SNX24: variants seen among roughly 807,000 people sequenced by gnomAD.
The protein encoded by SNX24 is sorting nexin-24.
A neutral mutation model predicts 28.7 loss-of-function variants in SNX24; 22 were observed. The observed-to-expected ratio is 0.77, with a 90% CI of 0.55 to 1.10. SNX24 has a LOEUF of 1.10. Among genes scored for constraint, SNX24 ranks in the 50% least tolerant of loss-of-function variants. The pLI, the probability that SNX24 is intolerant of heterozygous loss-of-function variation, is 0.00. For missense variants in SNX24, 221 were observed against 201.1 expected, an observed-to-expected ratio of 1.10 and a Z score of -0.60; for synonymous variants, 69 against 71.5, an observed-to-expected ratio of 0.96 and a Z score of 0.18.
At chr5:122,869,171 A>G (rs35543018) in intron 1 of SNX24, among the ~76,000 whole-genome samples, 4,687 of 152,306 alleles carry the variant, frequency 0.031, 80 homozygotes, top group Non-Finnish European at 0.038. Context: ...GTCAGTAGAA[A>G]TTGATGACTG....
chr5:123,007,648 C>CTTTTTTTTTT, intron 6 of SNX24, 34 bp from the exon 7 acceptor site: 6 of 1,388,984 alleles, frequency 4.3e-6, no homozygotes, highest in East Asian at 5.1e-5. Flanking sequence ...AGCAGTTTTT[C>CTTTTTTTTTT]TTTTTTTTTT....
At chr5:123,021,328 T>C (rs183783961) in intron 5 of SNX24, among the ~76,000 whole-genome samples, 1 of 152,258 alleles carries the variant, frequency 6.6e-6, no homozygotes, top group Admixed American at 6.5e-5. Flanking sequence ...ATTTATCAAG[T>C]GAGTTAATGA....
intron 1 of SNX24, among the ~76,000 whole-genome samples, chr5:122,861,068 A>G (rs956557773): frequency 3.3e-5 from 5 of 151,766 alleles, no homozygotes; most frequent in Non-Finnish European, 7.4e-5. Flanking sequence ...GGCTGGGTGC[A>G]GTGGCTGACG....
chr5:122,964,497 C>T (rs545895218), intron 3 of SNX24, among the ~76,000 whole-genome samples: 10 of 151,976 alleles, frequency 6.6e-5, no homozygotes, highest in African/African-American at 9.6e-5. Context: ...GTCTTTTTCT[C>T]GTGCATGTTT....
intron 5 of SNX24, chr5:123,025,723 C>T: frequency 6.6e-7 from 1 of 1,506,926 alleles, no homozygotes; most frequent in Non-Finnish European, 9.1e-7. Flanking sequence ...TAAAATAAAT[C>T]ACTGAAAGTA....
chr5:122,979,967 C>G (rs1190263643), intron 3 of SNX24, among the ~76,000 whole-genome samples: 1 of 152,210 alleles, frequency 6.6e-6, no homozygotes. Context: ...TTCCTTGAAG[C>G]TGTGTCCAAC....
chr5:123,028,474 G>C (rs1561750156), intron 5 of SNX24: 3 of 266,058 alleles, frequency 1.1e-5, no homozygotes, highest in East Asian at 7.0e-5. Flanking sequence ...TCCTATGAAA[G>C]ATATTTTTCT....
chr5:123,003,213 G>C (rs1424880191), intron 6 of SNX24, among the ~76,000 whole-genome samples: 2 of 152,260 alleles, frequency 1.3e-5, no homozygotes, highest in Non-Finnish European at 2.9e-5. Flanking sequence ...ACGCAGCCCT[G>C]CTCCTCCCTA....
chr5:122,972,916 C>G (rs1761014691), intron 3 of SNX24, among the ~76,000 whole-genome samples: 1 of 152,178 alleles, frequency 6.6e-6, no homozygotes, highest in Admixed American at 6.5e-5. Flanking sequence ...CTAGGTCGGC[C>G]TTGCTGAGTG....
chr5:123,027,385 T>A lies in SNX24; in HGVS notation n.384-1853T>A, dbSNP rs369960870. Reference sequence around the variant, plus strand: ...CAAGATGCACACTGGGCAGGGAAGGTAGTGAGAAAAAAAAGGTAGCAGAAA... The same window carrying A: ...CAAGATGCACACTGGGCAGGGAAGGAAGTGAGAAAAAAAAGGTAGCAGAAA... On this transcript the variant is annotated intron_variant and non_coding_transcript_variant, in intron 5 of 5. Coordinates refer to the SNX24 transcript ENST00000502387. Among the ~76,000 whole-genome samples the A allele has an allele frequency of 4.8e-4, 73 of 151,388 alleles. 1 individual carries two copies. In the East Asian group the frequency reaches 0.013, roughly 28 times the overall value.
intron 1 of SNX24, among the ~76,000 whole-genome samples, chr5:122,914,277 G>A (rs1157491937): frequency 6.6e-6 from 1 of 152,224 alleles, no homozygotes. Context: ...GCTTTTTGAT[G>A]TGTTGCTGGA....
intron 3 of SNX24, among the ~76,000 whole-genome samples, chr5:122,963,060 C>T (rs1760552628): frequency 6.6e-6 from 1 of 152,088 alleles, no homozygotes; most frequent in African/African-American, 2.4e-5. Flanking sequence ...ATAGTGAAAC[C>T]TCGTCTCTGC....
intron 5 of SNX24, chr5:123,026,014 C>T (rs370319595): frequency 3.3e-6 from 5 of 1,513,844 alleles, no homozygotes; most frequent in African/African-American, 1.4e-5. Context: ...TTCCAAAAGT[C>T]AGCTCTTCAA....
At chr5:123,025,250 C>G (rs1443079986) in intron 5 of SNX24, among the ~76,000 whole-genome samples, 1 of 152,150 alleles carries the variant, frequency 6.6e-6, no homozygotes, top group South Asian at 2.1e-4. Context: ...AACCAATAGC[C>G]AGAATTTTTC....
chr5:122,960,829 A>G (rs946864454), intron 3 of SNX24, among the ~76,000 whole-genome samples: 18 of 152,166 alleles, frequency 1.2e-4, no homozygotes, highest in Non-Finnish European at 1.0e-4. Flanking sequence ...CTACATTTCA[A>G]AAGACTCAAA....
At chr5:122,884,276 C>T (rs1302654321) in intron 1 of SNX24, among the ~76,000 whole-genome samples, 29 of 95,616 alleles carry the variant, frequency 3.0e-4, no homozygotes, top group Non-Finnish European at 4.9e-4. Flanking sequence ...TTTTTTCAGA[C>T]AGAGTCTCGC....
chr5:123,016,365 A>G (rs1390967232), intron 5 of SNX24, among the ~76,000 whole-genome samples: 4 of 152,148 alleles, frequency 2.6e-5, no homozygotes, highest in Admixed American at 2.6e-4. Context: ...CAGGGACATC[A>G]GCAAGTTACA....
At chr5:122,912,739 T>G (rs1421110121) in intron 1 of SNX24, among the ~76,000 whole-genome samples, 1 of 151,928 alleles carries the variant, frequency 6.6e-6, no homozygotes, top group Non-Finnish European at 1.5e-5. Flanking sequence ...TGTGGGTTTT[T>G]TTTTTTTTTT....
At chr5:122,910,930 C>T (rs1003613971) in intron 1 of SNX24, among the ~76,000 whole-genome samples, 11 of 152,132 alleles carry the variant, frequency 7.2e-5, no homozygotes, top group South Asian at 4.2e-4. Flanking sequence ...AATAAACATA[C>T]GTGTGCATGT....
Sources: gnomAD v4.1 joint callset for allele counts (sites outside exome capture counted in the v4.1 genomes callset) on GRCh38, gnomAD v4.1.1 for gene constraint, MANE v1.5 for transcripts, NCBI Gene and HGNC (gene_info 2026-07-23, HGNC 2026-07-21) for gene names.